Variants in NFU1 observed in about 807,000 individuals in gnomAD.
NFU1 encodes the protein NFU1 iron-sulfur cluster scaffold.
A neutral mutation model predicts 32.2 loss-of-function variants in NFU1; 30 were observed. That is an observed-to-expected ratio of 0.93 (90% CI 0.70 to 1.26). The LOEUF is 1.26. Among genes scored for constraint, NFU1 ranks in the 50% most tolerant of loss-of-function variants. The probability of loss-of-function intolerance (pLI) is 0.00; values close to 1 mark genes in which losing one functional copy is unlikely to be tolerated. For synonymous variants in NFU1, 112 were observed against 104.6 expected (o/e 1.07, Z -0.43); for missense variants, 306 against 306.6 (o/e 1.00, Z 0.02).
At chr2:69,429,097 T>C (rs1673555511) in intron 2 of NFU1, among the ~76,000 whole-genome samples, 1 of 152,148 alleles carries the variant, frequency 6.6e-6, no homozygotes, top group African/African-American at 2.4e-5. Context: ...CTTCTGAAAA[T>C]CTGTGTTATA....
intron 5 of NFU1, among the ~76,000 whole-genome samples, chr2:69,407,270 T>C (rs1672725063): frequency 6.6e-6 from 1 of 152,174 alleles, no homozygotes; most frequent in Admixed American, 6.5e-5. Flanking sequence ...TCTACAAATC[T>C]TCTGAGCACA....
At chr2:69,408,640 A>ATTCTCCT (rs1672775796) in intron 5 of NFU1, among the ~76,000 whole-genome samples, 2 of 151,428 alleles carry the variant, frequency 1.3e-5, no homozygotes, top group South Asian at 2.1e-4. Flanking sequence ...GAATCACTTG[A>ATTCTCCT]ACCCGGGAGG....
rs189492053 is a variant in NFU1 at position 69,398,860 on chromosome 2, T to A, written c.720+1504A>T. On this transcript the variant is annotated intron_variant, in intron 7 of 7. Coordinates refer to ENST00000410022, the MANE Select transcript of NFU1 (RefSeq NM_001002755.4). ...ATAGACCTGCTCACTGTGGAACAGATGAATTTTAATACTACCCAAGGATGA... is the reference window on the plus strand; with the variant it reads ...ATAGACCTGCTCACTGTGGAACAGAAGAATTTTAATACTACCCAAGGATGA... Among the ~76,000 whole-genome samples, 13 of 152,266 alleles carry A rather than the reference T, an allele frequency of 8.5e-5. No individual in the cohort carries two copies. The East Asian group carries it at 2.3e-3, about 27-fold the overall frequency.
chr2:69,402,895 C>T (rs912397213), intron 6 of NFU1, among the ~76,000 whole-genome samples: 3 of 151,342 alleles, frequency 2.0e-5, no homozygotes, highest in African/African-American at 7.3e-5. Flanking sequence ...TATCTGATTT[C>T]TTGTGTCCCG....
chr2:69,427,590 G>A (rs562480520), intron 2 of NFU1, among the ~76,000 whole-genome samples: 2 of 142,088 alleles, frequency 1.4e-5, no homozygotes, highest in South Asian at 2.3e-4. Flanking sequence ...TGAGGCAGGA[G>A]AATCACTTGA....
At chr2:69,413,111 C>G (rs371108451) in intron 5 of NFU1, among the ~76,000 whole-genome samples, 1 of 150,920 alleles carries the variant, frequency 6.6e-6, no homozygotes, top group African/African-American at 2.4e-5. Context: ...ATGGTGAAAC[C>G]CCGTCTCTAC....
upstream of NFU1, among the ~76,000 whole-genome samples, chr2:69,439,035 T>G (rs374931318): frequency 3.3e-5 from 5 of 152,018 alleles, no homozygotes; most frequent in African/African-American, 1.2e-4. Context: ...TTTTTCCCTC[T>G]CTGATGGATT....
intron 5 of NFU1, among the ~76,000 whole-genome samples, chr2:69,407,583 G>C (rs187089175): frequency 6.7e-6 from 1 of 148,778 alleles, no homozygotes; most frequent in Admixed American, 6.8e-5. Context: ...AGGCTGACAC[G>C]AGAATCACTT....
chr2:69,437,488 G>C (rs753424678), upstream of NFU1: 1 of 1,565,072 alleles, frequency 6.4e-7, no homozygotes, highest in African/African-American at 1.3e-5. Context: ...CCGCAGGCTG[G>C]CCGGTAGCTG....
chr2:69,411,862 G>A (rs935838690), intron 5 of NFU1, among the ~76,000 whole-genome samples: 12 of 152,112 alleles, frequency 7.9e-5, no homozygotes, highest in African/African-American at 2.9e-4. Context: ...CCAAGTGCTG[G>A]GATCACAGGT....
intron 4 of NFU1, among the ~76,000 whole-genome samples, chr2:69,418,053 T>C (rs1340656802): frequency 6.6e-6 from 1 of 152,156 alleles, no homozygotes. Flanking sequence ...ATTGAATATA[T>C]TAAATAAATG....
upstream of NFU1, among the ~76,000 whole-genome samples, chr2:69,438,117 A>C (rs1294775262): frequency 1.3e-5 from 2 of 152,158 alleles, no homozygotes; most frequent in Non-Finnish European, 2.9e-5. Flanking sequence ...CAAAGTGCGG[A>C]CTAGGGGCCA....
intron 6 of NFU1, among the ~76,000 whole-genome samples, chr2:69,402,999 CCTTCCTTCCTTCA>C: frequency 6.6e-6 from 1 of 150,488 alleles, no homozygotes; most frequent in South Asian, 2.1e-4. Flanking sequence ...CTCCCTCCCT[CCTTCCTTCCTTCA>C]CTTCCTTCCT....
intron 6 of NFU1, among the ~76,000 whole-genome samples, chr2:69,404,772 AC>A: frequency 6.6e-6 from 1 of 150,720 alleles, no homozygotes; most frequent in East Asian, 2.0e-4. Flanking sequence ...GATGCCCACC[AC>A]CACGCCTGGC....
intron 5 of NFU1, among the ~76,000 whole-genome samples, chr2:69,411,331 T>G (rs1028723433): frequency 6.6e-6 from 1 of 152,068 alleles, no homozygotes; most frequent in Non-Finnish European, 1.5e-5. Flanking sequence ...TATCAGCAAA[T>G]ACTTATGGAG....
upstream of NFU1, among the ~76,000 whole-genome samples, chr2:69,439,565 G>A (rs929025996): frequency 2.0e-5 from 3 of 152,168 alleles, no homozygotes; most frequent in Admixed American, 6.5e-5. Flanking sequence ...CAAGCAGGTT[G>A]CCACTGCTGC....
intron 1 of NFU1, among the ~76,000 whole-genome samples, chr2:69,436,868 G>T (rs1285266162): frequency 6.6e-6 from 1 of 150,650 alleles, no homozygotes; most frequent in African/African-American, 2.4e-5. Context: ...GGTTCTCGTC[G>T]GAATTCCATC....
In NFU1 at chr2:69,400,360, A is replaced by T. The variant is rs1006415808; in HGVS notation, c.720+4T>A. On this transcript the variant is annotated splice_donor_region_variant and intron_variant, in intron 7 of 7. Transcript: ENST00000410022. ...ATCTAGACTGTCATATAATATTGGC[A>T]TACCTGTTCTACGCCTTCTACCTCC... The T allele has an allele frequency of 6.8e-6, 11 of 1,612,492 alleles. 1 individual carries two copies. In the Admixed American group the frequency reaches 1.7e-4, roughly 24 times the overall value.
chr2:69,411,193 C>T (rs1672866788), intron 5 of NFU1: 1 of 151,966 alleles, frequency 6.6e-6, no homozygotes, highest in South Asian at 2.1e-4. Context: ...ACAAATCCCA[C>T]AGTGATTAAA....
Sources: gnomAD v4.1 joint callset for allele counts (sites outside exome capture counted in the v4.1 genomes callset) on GRCh38, gnomAD v4.1.1 for gene constraint, MANE v1.5 for transcripts, NCBI Gene and HGNC (gene_info 2026-07-23, HGNC 2026-07-21) for gene names.